The following CSMD1 variants were observed in gnomAD, a reference collection of about 807,000 sequenced individuals.
The protein encoded by CSMD1 is CUB and Sushi multiple domains 1.
A neutral mutation model predicts 417.5 loss-of-function variants in CSMD1; 213 were observed. The observed-to-expected ratio is 0.51, with a 90% CI of 0.46 to 0.57. CSMD1 has a LOEUF of 0.57. Among genes scored for constraint, CSMD1 ranks in the 20% least tolerant of loss-of-function variants. The pLI, the probability that CSMD1 is intolerant of heterozygous loss-of-function variation, is 0.00. For missense variants in CSMD1, 6,923 were observed against 4,529.7 expected (o/e 1.53, Z -15.17); for synonymous variants, 2,862 against 1,736.8 (o/e 1.65, Z -16.11).
At chr8:3,782,969 A>C (rs1027539428) in intron 5 of CSMD1, among the ~76,000 whole-genome samples, 1 of 152,220 alleles carries the variant, frequency 6.6e-6, no homozygotes, top group African/African-American at 2.4e-5. Context: ...TTGTAGGTAC[A>C]GGATTGTTAG....
intron 1 of CSMD1, among the ~76,000 whole-genome samples, chr8:4,808,391 A>C (rs1798708647): frequency 6.6e-6 from 1 of 152,194 alleles, no homozygotes; most frequent in Non-Finnish European, 1.5e-5. Flanking sequence ...CCTTTTGCTA[A>C]GTTCTGTGAA....
At chr8:4,978,324 C>A (rs1810683874) in intron 1 of CSMD1, among the ~76,000 whole-genome samples, 1 of 152,064 alleles carries the variant, frequency 6.6e-6, no homozygotes, top group Admixed American at 6.6e-5. Context: ...AGTCAGGACA[C>A]TCTAATCTTG....
intron 1 of CSMD1, among the ~76,000 whole-genome samples, chr8:4,810,345 T>C (rs535486600): frequency 6.6e-6 from 1 of 152,354 alleles, no homozygotes; most frequent in South Asian, 2.1e-4. Flanking sequence ...AATGCACAGC[T>C]TGCATTTTTG....
chr8:4,088,892 C>G (rs1346317191), intron 3 of CSMD1, among the ~76,000 whole-genome samples: 1 of 152,168 alleles, frequency 6.6e-6, no homozygotes, highest in Non-Finnish European at 1.5e-5. Context: ...AATCTTCCCC[C>G]TCTACTCATT....
At chr8:4,381,815 C>A (rs573085699) in intron 3 of CSMD1, among the ~76,000 whole-genome samples, 12 of 152,012 alleles carry the variant, frequency 7.9e-5, no homozygotes, top group African/African-American at 2.9e-4. Flanking sequence ...GACTTAGTTT[C>A]ATCTTTTCTA....
At chr8:4,272,177 G>C (rs927478233) in intron 3 of CSMD1, among the ~76,000 whole-genome samples, 37 of 152,088 alleles carry the variant, frequency 2.4e-4, no homozygotes, top group Non-Finnish European at 2.9e-5. Context: ...GGTACAGCTA[G>C]TTTTCCTGTA....
chr8:3,195,767 C>G (rs776990743), intron 33 of CSMD1, among the ~76,000 whole-genome samples: 1 of 152,032 alleles, frequency 6.6e-6, no homozygotes, highest in Non-Finnish European at 1.5e-5. Context: ...TGCTTGATGC[C>G]AAAAAGCAAA....
intron 36 of CSMD1, among the ~76,000 whole-genome samples, chr8:3,185,482 G>A (rs1821691863): frequency 6.6e-6 from 1 of 152,116 alleles, no homozygotes; most frequent in Non-Finnish European, 1.5e-5. Flanking sequence ...TGTGTAAAAT[G>A]TGTTCTGTCA....
chr8:4,355,513 A>T (rs1018330571), intron 3 of CSMD1, among the ~76,000 whole-genome samples: 18 of 152,328 alleles, frequency 1.2e-4, no homozygotes, highest in African/African-American at 4.1e-4. Flanking sequence ...AACATTCAGT[A>T]GTTTAGTAAA....
At chr8:4,118,240 G>A (rs1168591216) in intron 3 of CSMD1, among the ~76,000 whole-genome samples, 1 of 152,094 alleles carries the variant, frequency 6.6e-6, no homozygotes, top group Non-Finnish European at 1.5e-5. Context: ...CTTTGTTCCA[G>A]CAACTAAACT....
At chr8:3,659,018 A>C (rs1362391821) in intron 7 of CSMD1, among the ~76,000 whole-genome samples, 1 of 152,204 alleles carries the variant, frequency 6.6e-6, no homozygotes, top group Non-Finnish European at 1.5e-5. Context: ...AGGTCCTCAG[A>C]GCAGTGTCAT....
chr8:4,540,081 T>A (rs1360304070), intron 2 of CSMD1, among the ~76,000 whole-genome samples: 1 of 152,180 alleles, frequency 6.6e-6, no homozygotes, highest in Admixed American at 6.5e-5. Flanking sequence ...TTATTTTCAA[T>A]ACGATTATCG....
chr8:4,041,059 C>T (rs1288356443), intron 3 of CSMD1, among the ~76,000 whole-genome samples: 4 of 144,542 alleles, frequency 2.8e-5, no homozygotes, highest in East Asian at 2.1e-4. Flanking sequence ...CTCTGTCGCC[C>T]AGGCTGGAGT....
At chr8:3,712,953 C>G (rs114301987) in intron 6 of CSMD1, among the ~76,000 whole-genome samples, 1 of 152,010 alleles carries the variant, frequency 6.6e-6, no homozygotes, top group East Asian at 1.9e-4. Context: ...TAGTTAATAA[C>G]AATGTATTGT....
At chr8:4,084,475 A>G (rs1287388230) in intron 3 of CSMD1, among the ~76,000 whole-genome samples, 2 of 152,230 alleles carry the variant, frequency 1.3e-5, no homozygotes, top group East Asian at 3.8e-4. Flanking sequence ...AATCATTTAA[A>G]ACATCTTTCA....
At chr8:3,670,739 G>GTATGTATAGGGGATATA (rs1554506242) in intron 7 of CSMD1, among the ~76,000 whole-genome samples, 404 of 14,210 alleles carry the variant, frequency 0.028, 13 homozygotes, top group African/African-American at 0.12. Context: ...TGTATGGGAT[G>GTATGTATAGGGGATATA]TATGTATATG....
At chr8:3,858,173 A>G (rs149073058) in intron 5 of CSMD1, among the ~76,000 whole-genome samples, 5 of 152,224 alleles carry the variant, frequency 3.3e-5, no homozygotes, top group Admixed American at 6.6e-5. Flanking sequence ...TTGTCAATTA[A>G]GTAATTTTTT....
chr8:2,945,023 T>C (rs548486686), intron 68 of CSMD1, among the ~76,000 whole-genome samples: 33 of 152,248 alleles, frequency 2.2e-4, no homozygotes, highest in Admixed American at 1.7e-3. Context: ...GATTATCACA[T>C]GCCTGCAGCT....
At chr8:3,284,372 A>G (rs775393997) in intron 25 of CSMD1, 26 bp from the exon 26 acceptor site, 1 of 1,571,758 alleles carries the variant, frequency 6.4e-7, no homozygotes, top group Non-Finnish European at 8.7e-7. Flanking sequence ...CAGTAGCGCT[A>G]CTTGCCGTGC....
Sources: gnomAD v4.1 joint callset for allele counts (sites outside exome capture counted in the v4.1 genomes callset) on GRCh38, gnomAD v4.1.1 for gene constraint, MANE v1.5 for transcripts, NCBI Gene and HGNC (gene_info 2026-07-23, HGNC 2026-07-21) for gene names.